Variants in PREX1 observed in about 807,000 individuals in gnomAD.
The protein encoded by PREX1 is phosphatidylinositol-3,4,5-trisphosphate dependent Rac exchange factor 1.
PREX1 carries 41 observed loss-of-function variants against 198.3 expected under a neutral mutation model. That is an observed-to-expected ratio of 0.21 (90% CI 0.16 to 0.27). PREX1 has a LOEUF of 0.27. Among genes scored for constraint, PREX1 ranks in the 10% least tolerant of loss-of-function variants. The pLI is 1.00. For synonymous variants in PREX1, 843 were observed against 887.2 expected (o/e 0.95, Z 0.89); for missense variants, 1,620 against 2,200.7 (o/e 0.74, Z 5.28).
rs577074479 is a variant in PREX1 at position 48,822,890 on chromosome 20, C to G, written c.219+4752G>C. ...ATCCCCCCAAGTTACTGGGGAGGTC[C>G]CTCTGCCTCAATGACTGTGAAATCA... On this transcript the variant is annotated intron_variant, in intron 1 of 39. Coordinates refer to ENST00000371941, the MANE Select transcript of PREX1 (RefSeq NM_020820.4). 5.9e-5 allele frequency among the ~76,000 whole-genome samples: 9 copies of G among 152,240 alleles called. 1 individual carries two copies. The South Asian group carries it at 1.7e-3, about 28-fold the overall frequency.
chr20:48,759,060 G>GT, intron 1 of PREX1, among the ~76,000 whole-genome samples: 1 of 152,144 alleles, frequency 6.6e-6, no homozygotes, highest in South Asian at 2.1e-4. Flanking sequence ...GAAGGGCACT[G>GT]TATCTCCTAA....
chr20:48,650,162 T>C lies in PREX1; in HGVS notation c.2862A>G (p.Gln954=). 6.2e-7 allele frequency: 1 copy of C among 1,613,806 alleles called. No homozygotes were observed. The highest frequency in any genetic ancestry group is 8.5e-7 in the Non-Finnish European group (1 of 1,179,904). ...LKSRVSPPFK[Q]APLEPHPLCG... Reference sequence around the variant, plus strand: ...ACAGCGGGTGGGGCTCCAGGGGGGCTTGTTTGAAGGGTGGGCTGACCCTGC... The same window carrying C: ...ACAGCGGGTGGGGCTCCAGGGGGGCCTGTTTGAAGGGTGGGCTGACCCTGC... Residue 954 remains glutamine, a synonymous_variant, in exon 24 of 40, where the codon CAA becomes CAG. Coordinates refer to ENST00000371941, the MANE Select transcript of PREX1 (RefSeq NM_020820.4).
At chr20:48,752,437 C>T (rs2090138049) in intron 1 of PREX1, among the ~76,000 whole-genome samples, 1 of 152,230 alleles carries the variant, frequency 6.6e-6, no homozygotes, top group South Asian at 2.1e-4. Flanking sequence ...CCAGACCCCA[C>T]CCTTACCCCA....
chr20:48,654,495 C>A (rs1288393127), intron 19 of PREX1, among the ~76,000 whole-genome samples: 2 of 152,192 alleles, frequency 1.3e-5, no homozygotes, highest in Non-Finnish European at 2.9e-5. Flanking sequence ...ACCCACTAAC[C>A]GCCAGAAACA....
chr20:48,625,950 TGAG>T (rs1181469490), intron 39 of PREX1, 23 bp from the exon 40 acceptor site: 2 of 1,540,970 alleles, frequency 1.3e-6, no homozygotes, highest in Non-Finnish European at 1.7e-6. Context: ...GCAAAGAGAA[TGAG>T]GAGAGGCCGG....
At chr20:48,702,206 T>TAAAA (rs71184231) in intron 6 of PREX1, among the ~76,000 whole-genome samples, 2 of 122,818 alleles carry the variant, frequency 1.6e-5, no homozygotes, top group African/African-American at 3.0e-5. Context: ...GGACTCTGTC[T>TAAAA]AAAAAAAAAA....
At chr20:48,867,057 A>G in the PREX1 span, among the ~76,000 whole-genome samples, 10 of 152,314 alleles carry the variant, frequency 6.6e-5, no homozygotes, top group East Asian at 9.7e-4. Context: ...AAAAAAGGAA[A>G]GTAAGGAAGG....
At position 48,788,569 on chromosome 20, in the gene PREX1, C is replaced by G. The variant is rs796678703; in HGVS notation, c.219+39073G>C. 3.1e-4 allele frequency among the ~76,000 whole-genome samples: 47 copies of G among 152,320 alleles called. 1 individual carries two copies. Among genetic ancestry groups the G allele is most frequent in the African/African-American group, 1.1e-3 (46 of 41,566 alleles). On this transcript the variant is annotated intron_variant, in intron 1 of 39. Coordinates refer to ENST00000371941, the MANE Select transcript of PREX1 (RefSeq NM_020820.4). The stretch of plus-strand genomic sequence containing the variant: ...TTCTTTGTACGTTGAGCCCCTAGAT[C>G]AAACTCTACCTGAAGCTGTAGGTCT...
intron 1 of PREX1, chr20:48,821,680 G>A (rs1011331697): frequency 1.3e-5 from 2 of 152,242 alleles, no homozygotes; most frequent in Non-Finnish European, 2.9e-5. Context: ...GAGCGGCTGT[G>A]AAGCAAATAG....
At chr20:48,840,317 G>A in the PREX1 span, among the ~76,000 whole-genome samples, 1 of 141,962 alleles carries the variant, frequency 7.0e-6, no homozygotes, top group Non-Finnish European at 1.5e-5. Flanking sequence ...GCCTGACCAC[G>A]ACGGCAAGTA....
At chr20:48,846,295 A>T in the PREX1 span, among the ~76,000 whole-genome samples, 1 of 152,096 alleles carries the variant, frequency 6.6e-6, no homozygotes, top group South Asian at 2.1e-4. Context: ...GCAAGGGAGG[A>T]TCCCGCATAT....
chr20:48,677,126 G>A (rs989355988), intron 13 of PREX1, among the ~76,000 whole-genome samples: 13 of 152,220 alleles, frequency 8.5e-5, no homozygotes, highest in African/African-American at 2.9e-4. Context: ...GGACTGGGGG[G>A]GTCTGACAGG....
chr20:48,665,493 G>A (rs931336744), intron 15 of PREX1, among the ~76,000 whole-genome samples: 3 of 149,770 alleles, frequency 2.0e-5, no homozygotes, highest in South Asian at 2.1e-4. Flanking sequence ...GACTCCAGAC[G>A]GCCTGAGTTC....
intron 1 of PREX1, among the ~76,000 whole-genome samples, chr20:48,794,709 C>A (rs1468486393): frequency 2.0e-5 from 3 of 152,206 alleles, no homozygotes; most frequent in Non-Finnish European, 4.4e-5. Flanking sequence ...AGGAGAGGCC[C>A]AGGGACAGGG....
At chr20:48,651,989 A>G (rs1361838605) in intron 21 of PREX1, among the ~76,000 whole-genome samples, 2 of 152,310 alleles carry the variant, frequency 1.3e-5, no homozygotes, top group Non-Finnish European at 1.5e-5. Context: ...CGAGAGCCCA[A>G]GGAGGACCAC....
At chr20:48,686,717 A>G (rs1568824103) in intron 10 of PREX1, among the ~76,000 whole-genome samples, 1 of 152,210 alleles carries the variant, frequency 6.6e-6, no homozygotes, top group Non-Finnish European at 1.5e-5. Context: ...GGAAGCTCAG[A>G]GCTGGAGTTC....
rs61597665 is a variant in PREX1 at position 48,779,104 on chromosome 20, A to C, written c.220-31224T>G. ...TGGGGAGAAAATATTTACAAATGACATATCTGACAAAGGATTTATATTCAG... is the reference window on the plus strand; with the variant it reads ...TGGGGAGAAAATATTTACAAATGACCTATCTGACAAAGGATTTATATTCAG... On this transcript the variant is annotated intron_variant, in intron 1 of 39. Coordinates refer to ENST00000371941, the MANE Select transcript of PREX1 (RefSeq NM_020820.4). 9.3e-3 allele frequency among the ~76,000 whole-genome samples: 1,416 copies of C among 152,366 alleles called. 14 individuals carry two copies. Among genetic ancestry groups the C allele is most frequent in the African/African-American group, 0.028 (1,179 of 41,588 alleles).
the PREX1 span, among the ~76,000 whole-genome samples, chr20:48,854,034 C>A: frequency 6.6e-6 from 1 of 152,242 alleles, no homozygotes; most frequent in Non-Finnish European, 1.5e-5. Context: ...ATCCCTTGAC[C>A]TTTGCAGTCA....
chr20:48,646,027 C>T lies in PREX1; in HGVS notation c.3336G>A (p.Ser1112=), dbSNP rs764777154. 5.6e-6 allele frequency: 9 copies of T among 1,614,046 alleles called. No individual in the cohort carries two copies. The highest frequency in any genetic ancestry group is 3.3e-5 in the Admixed American group (2 of 60,026). ...RLLSTITEPT[S]GGSCDASLAE... is the part of the protein sequence containing the mutation. ...CCAAGGATGCGTCGCAGGACCCACC[C>T]GAGGTGGGCTCTGTGATGGTGGACA... Residue 1112 remains serine (S), a synonymous_variant, in exon 26 of 40, where the codon TCG becomes TCA. Coordinates refer to ENST00000371941, the MANE Select transcript of PREX1 (RefSeq NM_020820.4).
Sources: allele counts gnomAD v4.1 joint callset (sites outside exome capture counted in the v4.1 genomes callset), GRCh38; gene constraint gnomAD v4.1.1; transcripts MANE v1.5; gene names NCBI Gene and HGNC (gene_info 2026-07-23, HGNC 2026-07-21).